The following PFKP variants were observed in gnomAD, a reference collection of about 807,000 sequenced individuals.
PFKP encodes the protein phosphofructokinase, platelet.
Under a neutral mutation model 94.3 loss-of-function variants are expected in PFKP, and 101 were observed. That is an observed-to-expected ratio of 1.07 (90% CI 0.91 to 1.26). PFKP has a LOEUF of 1.26. Ranked by LOEUF, PFKP falls within the 50% of genes most tolerant of loss-of-function variation. The pLI is 0.00. For missense variants in PFKP, 1,145 were observed against 1,103.3 expected (o/e 1.04, Z -0.53); for synonymous variants, 573 against 432.6 (o/e 1.32, Z -4.03).
At chr10:3,119,565 A>T (rs1837187578) in intron 15 of PFKP, among the ~76,000 whole-genome samples, 1 of 151,928 alleles carries the variant, frequency 6.6e-6, no homozygotes, top group Non-Finnish European at 1.5e-5. Flanking sequence ...AGATTGCACC[A>T]CCTCACTCCA....
intron 1 of PFKP, chr10:3,068,758 C>G (rs1831938245): frequency 2.1e-6 from 2 of 933,016 alleles, no homozygotes; most frequent in Middle Eastern, 1.1e-3. Flanking sequence ...TCGGCGCTTC[C>G]CAGGCGAACG....
chr10:3,118,425 G>A lies in PFKP; in HGVS notation c.1443-357G>A, dbSNP rs539580018. 3.9e-5 allele frequency among the ~76,000 whole-genome samples: 6 copies of A among 152,188 alleles called. No homozygotes were observed. In the East Asian group the frequency reaches 7.7e-4, roughly 20 times the overall value. ...GGAGCTTGCAGTGAGCTGAGATTAC[G>A]CCACTACACTCCAGCCTGGTAACAA... is the stretch of plus-strand genomic sequence containing the variant. On this transcript the variant is annotated intron_variant, in intron 14 of 21. Transcript: ENST00000381125.
At chr10:3,131,364 A>G (rs1033536881) in intron 17 of PFKP, among the ~76,000 whole-genome samples, 4 of 152,190 alleles carry the variant, frequency 2.6e-5, no homozygotes, top group Middle Eastern at 6.8e-3. Context: ...CTGTTACATG[A>G]CTCATGACCG....
intron 21 of PFKP, among the ~76,000 whole-genome samples, chr10:3,136,131 A>C (rs1299954416): frequency 6.6e-6 from 1 of 152,104 alleles, no homozygotes; most frequent in East Asian, 1.9e-4. Context: ...AGGCATGGTG[A>C]TGCACACCTG....
At chr10:3,100,868 A>AAAAAAAAAAAAAAT in intron 3 of PFKP, 1 of 876,472 alleles carries the variant, frequency 1.1e-6, no homozygotes, top group Non-Finnish European at 1.7e-6. Flanking sequence ...GGTGCAAAAA[A>AAAAAAAAAAAAAAT]AAAAAAAAAA....
Position 3,107,661 on chromosome 10 carries a change from G to A in PFKP, c.870+352G>A, listed in dbSNP as rs537915576. On this transcript the variant is annotated intron_variant, in intron 8 of 21. Coordinates refer to ENST00000381125, the MANE Select transcript of PFKP (RefSeq NM_002627.5). ...GGACTGACCACTTGGCAGCCGACCC[G>A]GGCTTCTGTTTGCCACAGTGGGAAA... The A allele has an allele frequency of 4.5e-5, 37 of 831,094 alleles. No individual in the cohort carries two copies. In the East Asian group the frequency reaches 8.7e-4, roughly 19 times the overall value. The allele number at this position is 831,094 out of a possible 1,614,324, so 51.5% of individuals were successfully genotyped here. A position where few individuals can be genotyped will look rare whatever the true frequency, so the allele number is the denominator to read the frequency against.
At chr10:3,102,925 T>C (rs1457732368) in intron 4 of PFKP, among the ~76,000 whole-genome samples, 4 of 152,172 alleles carry the variant, frequency 2.6e-5, no homozygotes, top group Non-Finnish European at 5.9e-5. Context: ...GCACAGTGAG[T>C]GCACAGACCG....
intron 9 of PFKP, 125 bp downstream of exon 9, chr10:3,108,918 C>T (rs1280392398): frequency 1.4e-6 from 1 of 729,502 alleles, no homozygotes; most frequent in Non-Finnish European, 2.5e-6. Context: ...GCGGCCCGGC[C>T]CTCATCTTAA....
chr10:3,089,349 TG>T (rs1833870886), intron 2 of PFKP, among the ~76,000 whole-genome samples: 1 of 152,172 alleles, frequency 6.6e-6, no homozygotes, highest in South Asian at 2.1e-4. Context: ...ACGTTTTCTT[TG>T]TCCATTTATC....
chr10:3,080,655 C>A (rs1048828624), intron 1 of PFKP, among the ~76,000 whole-genome samples: 18 of 152,264 alleles, frequency 1.2e-4, no homozygotes, highest in Admixed American at 1.1e-3. Flanking sequence ...CCATACCCAG[C>A]TCTCCAACGG....
At chr10:3,079,664 G>GGT (rs1832884603) in intron 1 of PFKP, among the ~76,000 whole-genome samples, 1 of 9,368 alleles carries the variant, frequency 1.1e-4, no homozygotes, top group East Asian at 2.0e-3. Context: ...GAGCGGGGTG[G>GGT]GGGGGGGGGG....
At chr10:3,107,510 A>C (rs7075489) in intron 8 of PFKP, among the ~76,000 whole-genome samples, 6,758 of 152,330 alleles carry the variant, frequency 0.044, 480 homozygotes, top group African/African-American at 0.15. Context: ...CGCTTACGTC[A>C]CCTCTTGCCG....
At chr10:3,101,985 C>T (rs1007721948) in intron 4 of PFKP, among the ~76,000 whole-genome samples, 11 of 150,776 alleles carry the variant, frequency 7.3e-5, no homozygotes, top group African/African-American at 2.7e-4. Context: ...GGCGCGGTGG[C>T]TCACGCCTGT....
chr10:3,129,584 G>A (rs371045943), intron 16 of PFKP: 14 of 511,790 alleles, frequency 2.7e-5, no homozygotes, highest in African/African-American at 9.9e-5. Flanking sequence ...CCCCCAAAAC[G>A]GGACATCGAG....
intron 10 of PFKP, among the ~76,000 whole-genome samples, chr10:3,110,408 G>A (rs1836072567): frequency 6.8e-6 from 1 of 146,426 alleles, no homozygotes; most frequent in Non-Finnish European, 1.5e-5. Context: ...AGTAGAGGTG[G>A]GGTTTCACCG....
At position 3,122,010 on chromosome 10, in the gene PFKP, C is replaced by T. The variant is rs186731749; in HGVS notation, c.1683+1966C>T. ...CTAATTTTTTGTATTTCCATAGAGA[C>T]GGGGTCTCCCTGTGTTGCCCAGGCT... On this transcript the variant is annotated intron_variant, in intron 16 of 21. Transcript: ENST00000381125. Among the ~76,000 whole-genome samples the T allele has an allele frequency of 3.6e-4, 55 of 151,734 alleles. 1 individual carries two copies. Among genetic ancestry groups the T allele is most frequent in the East Asian group, 3.9e-4 (2 of 5,142 alleles).
chr10:3,127,109 GGCC>G (rs757738718), intron 16 of PFKP, among the ~76,000 whole-genome samples: 2 of 152,256 alleles, frequency 1.3e-5, no homozygotes, highest in African/African-American at 4.8e-5. Context: ...CCTGAGGCAC[GGCC>G]GGAGTGACTT....
intron 2 of PFKP, among the ~76,000 whole-genome samples, chr10:3,096,132 C>T (rs1232754326): frequency 1.3e-5 from 2 of 152,204 alleles, no homozygotes; most frequent in African/African-American, 4.8e-5. Flanking sequence ...TCTGTGAACT[C>T]ATGCAGGGAA....
At position 3,136,688 on chromosome 10, in the gene PFKP, T is replaced by G; in HGVS notation, c.*109T>G. On this transcript the variant is annotated 3_prime_UTR_variant, in exon 22 of 22. Transcript: ENST00000381125. ...ACGTATTATTGACATTAATACCTAA[T>G]CGGCGAGTGCCCATCTGCCCCACCT... The G allele has an allele frequency of 1.6e-6, 2 of 1,235,152 alleles. No individual in the cohort carries two copies. The highest frequency in any genetic ancestry group is 2.3e-6 in the Non-Finnish European group (2 of 882,984). The allele number at this position is 1,235,152 out of a possible 1,614,324, so 76.5% of individuals were successfully genotyped here.
Sources: gnomAD v4.1 joint callset for allele counts (sites outside exome capture counted in the v4.1 genomes callset) on GRCh38, gnomAD v4.1.1 for gene constraint, MANE v1.5 for transcripts, NCBI Gene and HGNC (gene_info 2026-07-23, HGNC 2026-07-21) for gene names.